The following TRHDE variants were observed in gnomAD, a reference collection of about 807,000 sequenced individuals.
The protein encoded by TRHDE is thyrotropin releasing hormone degrading enzyme.
TRHDE carries 72 observed loss-of-function variants against 125.7 expected under a neutral mutation model. The observed-to-expected ratio is 0.57, with a 90% CI of 0.47 to 0.70. The LOEUF (loss-of-function observed/expected upper bound fraction) is 0.70, where lower values mean the gene tolerates loss of function less well. Ranked by LOEUF, TRHDE falls within the 30% of genes least tolerant of loss-of-function variation. TRHDE has a pLI of 0.00. For missense variants in TRHDE, 1,110 were observed against 1,327.1 expected (o/e 0.84, Z 2.54); for synonymous variants, 509 against 509.1 (o/e 1.00, Z 0.00).
intron 2 of TRHDE, among the ~76,000 whole-genome samples, chr12:72,244,294 C>A (rs74103663): frequency 0.016 from 2,400 of 152,200 alleles, 76 homozygotes; most frequent in African/African-American, 0.055. Flanking sequence ...CACATAGGAG[C>A]AAATGAGCTT....
chr12:72,272,996 C>T lies in TRHDE; in HGVS notation c.353C>T (p.Thr118Met). 6.5e-7 allele frequency: 1 copy of T among 1,547,758 alleles called. No individual in the cohort carries two copies. Among genetic ancestry groups the T allele is most frequent in the South Asian group, 1.2e-5 (1 of 85,052 alleles). The change falls in exon 1 of 19, where the codon ACG becomes ATG. Residue 118 changes from threonine (T) to methionine (M), a missense_variant. Thr to Met is a moderately conservative substitution (Grantham distance 81). Coordinates refer to ENST00000261180, the MANE Select transcript of TRHDE (RefSeq NM_013381.3). The surrounding 1 kb of genome is among the most constrained non-coding windows in gnomAD (Gnocchi z 6.7). ...LRFDECGASA[T>M]PGADGGPSGF... is the part of the protein sequence containing the mutation. ...TTCGACGAGTGCGGGGCGAGTGCCA[C>T]GCCAGGCGCCGACGGTGGCCCCTCA...
intron 18 of TRHDE, among the ~76,000 whole-genome samples, chr12:72,659,639 T>G (rs759272254): frequency 6.6e-6 from 1 of 152,134 alleles, no homozygotes; most frequent in Non-Finnish European, 1.5e-5. Context: ...AAGAGGAAAT[T>G]TTAATGCTGA....
intron 2 of TRHDE, among the ~76,000 whole-genome samples, chr12:72,201,404 A>G (rs1877556950): frequency 6.6e-6 from 1 of 152,220 alleles, no homozygotes; most frequent in South Asian, 2.1e-4. Context: ...TTTGGCTAAG[A>G]TTTTGAAGTT....
chr12:72,564,945 C>A (rs934992965), intron 9 of TRHDE, among the ~76,000 whole-genome samples: 1 of 151,918 alleles, frequency 6.6e-6, no homozygotes, highest in Non-Finnish European at 1.5e-5. Context: ...GGATTACAGG[C>A]GTGAGCCATA....
chr12:72,388,012 C>T (rs1872496950), intron 3 of TRHDE, among the ~76,000 whole-genome samples: 1 of 152,088 alleles, frequency 6.6e-6, no homozygotes, highest in South Asian at 2.1e-4. Context: ...ACCCTGCATG[C>T]TTGCCCCTAC....
intron 2 of TRHDE, among the ~76,000 whole-genome samples, chr12:72,230,292 C>T (rs995139879): frequency 4.6e-5 from 7 of 152,108 alleles, no homozygotes; most frequent in Non-Finnish European, 7.4e-5. Context: ...ACAGTGCTTC[C>T]GTACATTCTT....
chr12:72,183,663 A>T (rs1021486242), intron 2 of TRHDE, among the ~76,000 whole-genome samples: 1 of 152,114 alleles, frequency 6.6e-6, no homozygotes, highest in East Asian at 1.9e-4. Context: ...TGTATCTGAG[A>T]GATGAGGGCT....
At chr12:72,419,237 C>G (rs1363399599) in intron 3 of TRHDE, among the ~76,000 whole-genome samples, 1 of 151,964 alleles carries the variant, frequency 6.6e-6, no homozygotes, top group East Asian at 1.9e-4. Context: ...GTCTATTTAT[C>G]CAGGAAGTTT....
intron 12 of TRHDE, among the ~76,000 whole-genome samples, chr12:72,591,874 C>A (rs1057255012): frequency 6.6e-6 from 1 of 151,542 alleles, no homozygotes; most frequent in African/African-American, 2.4e-5. Context: ...CCCATTATTT[C>A]TGTATGCAAT....
intron 3 of TRHDE, among the ~76,000 whole-genome samples, chr12:72,438,940 T>C (rs548968799): frequency 6.6e-6 from 1 of 152,008 alleles, no homozygotes; most frequent in South Asian, 2.1e-4. Context: ...GAGTTCCTTA[T>C]GTGTAAGTCT....
chr12:72,154,920 C>A (rs571978649), intron 2 of TRHDE, among the ~76,000 whole-genome samples: 2 of 152,266 alleles, frequency 1.3e-5, no homozygotes, highest in South Asian at 4.1e-4. Flanking sequence ...CTCTGTACTT[C>A]TTGAATTTGA....
chr12:72,087,830 A>C (rs1174810326), intron 1 of TRHDE, among the ~76,000 whole-genome samples: 1 of 152,138 alleles, frequency 6.6e-6, no homozygotes, highest in Non-Finnish European at 1.5e-5. Context: ...AACTATACCT[A>C]GTAGCAATCT....
chr12:72,403,762 G>C (rs978396774), intron 3 of TRHDE, among the ~76,000 whole-genome samples: 5 of 152,132 alleles, frequency 3.3e-5, no homozygotes, highest in African/African-American at 9.7e-5. Flanking sequence ...ACCCAGCTAG[G>C]AAGTCCAAGC....
intron 3 of TRHDE, among the ~76,000 whole-genome samples, chr12:72,411,549 G>C (rs1224258910): frequency 6.6e-6 from 1 of 151,932 alleles, no homozygotes. Flanking sequence ...AAAAATTTCA[G>C]TTCTATCTCA....
chr12:72,564,526 A>C (rs930395394), intron 9 of TRHDE, among the ~76,000 whole-genome samples: 2 of 152,142 alleles, frequency 1.3e-5, no homozygotes, highest in East Asian at 1.9e-4. Flanking sequence ...CCTATAACAT[A>C]CATCAGATGT....
rs140422871 is a variant in TRHDE at position 72,320,074 on chromosome 12, A to G, written c.1188+33120A>G. Among the ~76,000 whole-genome samples the G allele has an allele frequency of 8.3e-3, 1,268 of 152,080 alleles. 9 individuals are homozygous for G. Among genetic ancestry groups the G allele is most frequent in the Middle Eastern group, 0.027 (8 of 294 alleles). On this transcript the variant is annotated intron_variant, in intron 2 of 18. Coordinates refer to ENST00000261180, the MANE Select transcript of TRHDE (RefSeq NM_013381.3). Reference sequence around the variant, plus strand: ...TTGAACCTGTAGGGTTATTTTATCTACCCTACTTTTATTTCCCCTTACACA... The same window carrying G: ...TTGAACCTGTAGGGTTATTTTATCTGCCCTACTTTTATTTCCCCTTACACA...
chr12:72,143,225 G>A (rs1329887652), intron 2 of TRHDE, among the ~76,000 whole-genome samples: 1 of 152,126 alleles, frequency 6.6e-6, no homozygotes, highest in Non-Finnish European at 1.5e-5. Flanking sequence ...TTGAGCAGTG[G>A]GGTGACCAAA....
At chr12:72,593,153 A>AT (rs1341567889) in intron 12 of TRHDE, among the ~76,000 whole-genome samples, 1 of 152,080 alleles carries the variant, frequency 6.6e-6, no homozygotes, top group Non-Finnish European at 1.5e-5. Context: ...TTCCAAGTTC[A>AT]TTTTTGGTTG....
At chr12:72,408,848 AAT>A (rs1204386960) in intron 3 of TRHDE, among the ~76,000 whole-genome samples, 2 of 152,136 alleles carry the variant, frequency 1.3e-5, no homozygotes. Flanking sequence ...GAGATGAAAA[AAT>A]ATATAAAAGA....
Sources: allele counts gnomAD v4.1 joint callset (sites outside exome capture counted in the v4.1 genomes callset), GRCh38; gene constraint gnomAD v4.1.1; non-coding constraint Gnocchi (gnomAD v3.1); transcripts MANE v1.5; gene names NCBI Gene and HGNC (gene_info 2026-07-23, HGNC 2026-07-21).